The following SYNPR variants were observed in gnomAD, a reference collection of about 807,000 sequenced individuals.
SYNPR encodes the protein synaptoporin.
Under a neutral mutation model 32.9 loss-of-function variants are expected in SYNPR, and 23 were observed. That is an observed-to-expected ratio of 0.70 (90% CI 0.50 to 0.99). SYNPR has a LOEUF of 0.99. SYNPR is among the 50% of genes least tolerant of loss of function. The probability of loss-of-function intolerance (pLI) is 0.00; values close to 1 mark genes in which losing one functional copy is unlikely to be tolerated. For missense variants in SYNPR, 318 were observed against 349.3 expected (o/e 0.91, Z 0.71); for synonymous variants, 146 against 135.9 (o/e 1.07, Z -0.52).
chr3:63,386,792 G>A lies in SYNPR; in HGVS notation c.85-94040G>A, dbSNP rs916570442. On this transcript the variant is annotated intron_variant, in intron 2 of 5. Coordinates refer to ENST00000478300, the MANE Select transcript of SYNPR (RefSeq NM_001130003.2). The stretch of plus-strand genomic sequence containing the variant: ...GCCAGTGAGGCTGCTCAGGCACCTC[G>A]CAGAGCAAAGAGCAGCATGGCACTG... Among the ~76,000 whole-genome samples, 7 of 152,308 alleles carry A rather than the reference G, an allele frequency of 4.6e-5. No homozygotes were observed. The East Asian group carries it at 9.7e-4, about 21-fold the overall frequency.
chr3:63,260,910 T>C (rs1235150708), intron 2 of SYNPR, among the ~76,000 whole-genome samples: 1 of 150,644 alleles, frequency 6.6e-6, no homozygotes, highest in Non-Finnish European at 1.5e-5. Context: ...GTGAAAGATA[T>C]GAACAGACAC....
intron 3 of SYNPR, among the ~76,000 whole-genome samples, chr3:63,525,093 A>G (rs1171409013): frequency 6.6e-6 from 1 of 152,154 alleles, no homozygotes; most frequent in African/African-American, 2.4e-5. Context: ...AAAAGTAAAA[A>G]AGGCCAAAAA....
At chr3:63,388,442 C>T (rs2088084228) in intron 2 of SYNPR, among the ~76,000 whole-genome samples, 1 of 136,914 alleles carries the variant, frequency 7.3e-6, no homozygotes, top group South Asian at 2.4e-4. Flanking sequence ...GGCTGGAGTG[C>T]CATGGTGCAA....
chr3:63,370,755 G>A (rs1281311232), intron 2 of SYNPR, among the ~76,000 whole-genome samples: 2 of 152,192 alleles, frequency 1.3e-5, no homozygotes, highest in African/African-American at 2.4e-5. Context: ...GCTGGAGACA[G>A]TAAGGAGTAA....
intron 2 of SYNPR, among the ~76,000 whole-genome samples, chr3:63,436,457 T>A (rs1489682374): frequency 6.6e-6 from 1 of 151,818 alleles, no homozygotes. Flanking sequence ...CTTGCGATAG[T>A]TTGCTAAGAA....
At chr3:63,474,187 T>C (rs1310061591) in intron 2 of SYNPR, among the ~76,000 whole-genome samples, 2 of 152,234 alleles carry the variant, frequency 1.3e-5, no homozygotes, top group South Asian at 4.1e-4. Context: ...ACATTGGAGA[T>C]TTTACCCACC....
intron 3 of SYNPR, among the ~76,000 whole-genome samples, chr3:63,537,011 TTAGA>T (rs1702221073): frequency 6.6e-6 from 1 of 152,076 alleles, no homozygotes; most frequent in African/African-American, 2.4e-5. Flanking sequence ...TGTTCTGAAA[TTAGA>T]TAGTATGTAG....
At chr3:63,238,216 T>C (rs1367061483) in intron 1 of SYNPR, among the ~76,000 whole-genome samples, 2 of 152,088 alleles carry the variant, frequency 1.3e-5, no homozygotes, top group Non-Finnish European at 2.9e-5. Flanking sequence ...TTGTCCCTTG[T>C]GCCATTTCCA....
At chr3:63,497,822 A>G (rs1701401482) in intron 3 of SYNPR, among the ~76,000 whole-genome samples, 1 of 152,192 alleles carries the variant, frequency 6.6e-6, no homozygotes, top group African/African-American at 2.4e-5. Flanking sequence ...CTAAATGAAA[A>G]TGTAATGTGA....
At chr3:63,405,464 G>T (rs985594026) in intron 2 of SYNPR, among the ~76,000 whole-genome samples, 6 of 152,120 alleles carry the variant, frequency 3.9e-5, no homozygotes, top group Non-Finnish European at 5.9e-5. Flanking sequence ...GTAAATTGCT[G>T]TGTCTGGCTG....
the SYNPR span, among the ~76,000 whole-genome samples, chr3:63,211,062 G>A: frequency 1.4e-3 from 209 of 152,164 alleles, no homozygotes; most frequent in African/African-American, 4.8e-3. Context: ...GTTGGGAAAG[G>A]TACCATAAGA....
chr3:63,325,497 C>G (rs955165574), intron 2 of SYNPR, among the ~76,000 whole-genome samples: 7 of 152,078 alleles, frequency 4.6e-5, no homozygotes, highest in African/African-American at 1.7e-4. Context: ...CCTTTCTACC[C>G]AGGAAAGATC....
intron 2 of SYNPR, among the ~76,000 whole-genome samples, chr3:63,459,024 C>T (rs1045998812): frequency 6.6e-6 from 1 of 152,002 alleles, no homozygotes; most frequent in Non-Finnish European, 1.5e-5. Flanking sequence ...TTAAGTTTCT[C>T]CTTGATCTCT....
At chr3:63,398,849 C>G (rs905458166) in intron 2 of SYNPR, among the ~76,000 whole-genome samples, 3 of 152,136 alleles carry the variant, frequency 2.0e-5, no homozygotes, top group African/African-American at 7.2e-5. Flanking sequence ...AGATGGTGAA[C>G]TGGGAAGAAG....
At chr3:63,507,875 C>A (rs1701619616) in intron 3 of SYNPR, among the ~76,000 whole-genome samples, 1 of 149,018 alleles carries the variant, frequency 6.7e-6, no homozygotes, top group African/African-American at 2.5e-5. Context: ...CCTATAGAAA[C>A]ATAGTACAAG....
At chr3:63,511,117 G>A (rs1701690556) in intron 3 of SYNPR, among the ~76,000 whole-genome samples, 1 of 151,572 alleles carries the variant, frequency 6.6e-6, no homozygotes, top group African/African-American at 2.4e-5. Flanking sequence ...TGATACTTAT[G>A]CTTTTTGGGT....
intron 2 of SYNPR, among the ~76,000 whole-genome samples, chr3:63,419,873 C>G (rs144615883): frequency 3.9e-5 from 6 of 152,256 alleles, no homozygotes; most frequent in African/African-American, 1.2e-4. Context: ...AATACTAGTT[C>G]TATATTCATT....
At chr3:63,557,364 G>A (rs1702613143) in intron 4 of SYNPR, among the ~76,000 whole-genome samples, 1 of 151,958 alleles carries the variant, frequency 6.6e-6, no homozygotes, top group South Asian at 2.1e-4. Context: ...ATCTTCCCGA[G>A]AATGCCCTGT....
intron 3 of SYNPR, among the ~76,000 whole-genome samples, chr3:63,494,393 TTA>T (rs60624781): frequency 0.065 from 3,557 of 54,564 alleles, 214 homozygotes; most frequent in African/African-American, 0.19. Flanking sequence ...ATGTTAATTC[TTA>T]TATATATATA....
Sources: allele counts gnomAD v4.1 joint callset (sites outside exome capture counted in the v4.1 genomes callset), GRCh38; gene constraint gnomAD v4.1.1; transcripts MANE v1.5; gene names NCBI Gene and HGNC (gene_info 2026-07-23, HGNC 2026-07-21).